ARHGAP1: variants seen among roughly 807,000 people sequenced by gnomAD.
The protein encoded by ARHGAP1 is rho GTPase-activating protein 1.
Under a neutral mutation model 52.2 loss-of-function variants are expected in ARHGAP1, and 23 were observed. The ratio of observed to expected loss-of-function variants is 0.44; its 90% CI spans 0.32 to 0.62. The LOEUF is 0.62. Ranked by LOEUF, ARHGAP1 falls within the 20% of genes least tolerant of loss-of-function variation. The probability of loss-of-function intolerance (pLI) is 0.05; values close to 1 mark genes in which losing one functional copy is unlikely to be tolerated. For synonymous variants in ARHGAP1, 210 were observed against 228.4 expected (o/e 0.92, Z 0.73); for missense variants, 480 against 560.9 (o/e 0.86, Z 1.46).
At chr11:46,699,680 G>T (rs1312356845) in intron 1 of ARHGAP1, among the ~76,000 whole-genome samples, 1 of 151,538 alleles carries the variant, frequency 6.6e-6, no homozygotes, top group Non-Finnish European at 1.5e-5. Flanking sequence ...TCCAGCCTGG[G>T]CGACAGAGTG....
chr11:46,679,844 C>T lies in ARHGAP1; in HGVS notation c.899-68G>A, dbSNP rs113474139. 31 of 1,599,420 alleles carry T rather than the reference C, an allele frequency of 1.9e-5. 2 individuals carry two copies. The highest frequency in any genetic ancestry group is 1.5e-4 in the African/African-American group (11 of 74,904). On this transcript the variant is annotated intron_variant, in intron 10 of 12. Coordinates refer to ENST00000311956, the MANE Select transcript of ARHGAP1 (RefSeq NM_004308.5). The surrounding 1 kb of genome is among the most constrained non-coding windows in gnomAD (Gnocchi z 4.4). ...GGGCAGCACCCATCTGCAGACAACG[C>T]GGGCCGCACTGCCTGACTGCCCCTG...
chr11:46,681,651 C>T lies in ARHGAP1; in HGVS notation c.450-272G>A, dbSNP rs2064529402. 9.5e-6 allele frequency: 4 copies of T among 421,936 alleles called. No individual in the cohort carries two copies. The East Asian group carries it at 2.1e-4, about 22-fold the overall frequency. 26.1% of individuals were successfully genotyped at this position (421,936 alleles called of 1,614,324 possible). On this transcript the variant is annotated intron_variant, in intron 5 of 12. Coordinates refer to ENST00000311956, the MANE Select transcript of ARHGAP1 (RefSeq NM_004308.5). The surrounding 1 kb of genome is among the most constrained non-coding windows in gnomAD (Gnocchi z 5.7). ...GTTTCACCATGTTGGCCAGGCTGGT[C>T]TGGAACTCCTGACCTCAAGTGATCC...
chr11:46,677,944 GA>G lies in ARHGAP1; in HGVS notation c.*1092del, dbSNP rs34845803. 42,418 of 330,014 alleles carry G rather than the reference GA, an allele frequency of 0.13. 5 individuals carry two copies. The highest frequency in any genetic ancestry group is 0.17 in the South Asian group (7,883 of 46,204). The allele number at this position is 330,014 out of a possible 1,614,324, so 20.4% of individuals were successfully genotyped here. ...GGTGACAGAGCGAGACTCCATCTCA[GA>G]AAAAAAAAAAAAAAGGTGGCCCTAG... On this transcript the variant is annotated 3_prime_UTR_variant, in exon 13 of 13. Transcript: ENST00000311956.
intron 3 of ARHGAP1, among the ~76,000 whole-genome samples, chr11:46,694,410 A>G (rs1592392166): frequency 6.6e-6 from 1 of 152,080 alleles, no homozygotes; most frequent in Non-Finnish European, 1.5e-5. Flanking sequence ...GAGGACAAGC[A>G]CAGCGAGCCA....
chr11:46,681,501 T>A lies in ARHGAP1; in HGVS notation c.450-122A>T. ...CCTTCACCCAGGCTGGAGTGTGATC[T>A]CAGCTCATTGCAGCCTCCACCTCCC... On this transcript the variant is annotated intron_variant, in intron 5 of 12. Transcript: ENST00000311956. The surrounding 1 kb of genome is among the most constrained non-coding windows in gnomAD (Gnocchi z 5.7). The A allele has an allele frequency of 1.4e-6, 1 of 731,428 alleles. No homozygotes were observed. The highest frequency in any genetic ancestry group is 2.4e-6 in the Non-Finnish European group (1 of 414,236). The allele number at this position is 731,428 out of a possible 1,614,324, so 45.3% of individuals were successfully genotyped here.
At position 46,680,335 on chromosome 11, in the gene ARHGAP1, T is replaced by C. The variant is rs1450522849; in HGVS notation, c.821-53A>G. The C allele has an allele frequency of 4.4e-6, 7 of 1,594,856 alleles. No homozygotes were observed. Among genetic ancestry groups the C allele is most frequent in the Non-Finnish European group, 6.0e-6 (7 of 1,163,054 alleles). ...TCCGAGCGCTGGGCACCGGCTGGAT[T>C]CCCTGCCCCTTCTCTGTCTTGGGGT... On this transcript the variant is annotated intron_variant, in intron 9 of 12. Transcript: ENST00000311956. This position sits in a 1 kb window ranked among gnomAD's most constrained non-coding sequence, Gnocchi z 5.9.
rs2064500320 is a variant in ARHGAP1, at chr11:46,678,752, T to C, written c.*285A>G. ...CAGGAAAAAGCAGGAAAGGGGTTAC[T>C]GGGGCTCAGTCCTTCTCCAGCTGGA... On this transcript the variant is annotated 3_prime_UTR_variant, in exon 13 of 13. Coordinates refer to ENST00000311956, the MANE Select transcript of ARHGAP1 (RefSeq NM_004308.5). 2.3e-6 allele frequency: 1 copy of C among 440,974 alleles called. No homozygotes were observed. Among genetic ancestry groups the C allele is most frequent in the East Asian group, 4.3e-5 (1 of 23,370 alleles). 27.3% of individuals were successfully genotyped at this position (440,974 alleles called of 1,614,324 possible).
rs779756810 is a variant in ARHGAP1 at position 46,678,687 on chromosome 11, C to T, written c.*350G>A. 1.3e-4 allele frequency: 31 copies of T among 242,948 alleles called. No homozygotes were observed. Among genetic ancestry groups the T allele is most frequent in the Non-Finnish European group, 2.2e-4 (27 of 124,228 alleles). 15.0% of individuals were successfully genotyped at this position (242,948 alleles called of 1,614,324 possible). A position where few individuals can be genotyped will look rare whatever the true frequency, so the allele number is the denominator to read the frequency against. ...TGGCCCCTGCTACCAGCCCAGCCGGCAGTCATTTGATTCATCCACACTTGC... is the reference window on the plus strand; with the variant it reads ...TGGCCCCTGCTACCAGCCCAGCCGGTAGTCATTTGATTCATCCACACTTGC... On this transcript the variant is annotated 3_prime_UTR_variant, in exon 13 of 13. Transcript: ENST00000311956.
chr11:46,686,450 G>A (rs542499864), intron 4 of ARHGAP1, among the ~76,000 whole-genome samples: 2 of 152,132 alleles, frequency 1.3e-5, no homozygotes, highest in African/African-American at 2.4e-5. Context: ...ACGGAGTCTC[G>A]CTCTGTCGCC....
intron 4 of ARHGAP1, among the ~76,000 whole-genome samples, chr11:46,684,186 G>T (rs2064551151): frequency 6.6e-6 from 1 of 152,174 alleles, no homozygotes; most frequent in South Asian, 2.1e-4. Context: ...CCCAGTACAT[G>T]GTCATTTACC....
chr11:46,678,862 T>C lies in ARHGAP1; in HGVS notation c.*175A>G. On this transcript the variant is annotated 3_prime_UTR_variant, in exon 13 of 13. Coordinates refer to ENST00000311956, the MANE Select transcript of ARHGAP1 (RefSeq NM_004308.5). Reference sequence around the variant, plus strand: ...AAGTGTAAGGCAGAGAAAAACGTCTTCTGGTAACAGCGAGGCCGCCAGGGC... The same window carrying C: ...AAGTGTAAGGCAGAGAAAAACGTCTCCTGGTAACAGCGAGGCCGCCAGGGC... 1 of 698,464 alleles carries C rather than the reference T, an allele frequency of 1.4e-6. No individual in the cohort carries two copies. Among genetic ancestry groups the C allele is most frequent in the Non-Finnish European group, 2.4e-6 (1 of 425,484 alleles). 43.3% of individuals were successfully genotyped at this position (698,464 alleles called of 1,614,324 possible). A position where few individuals can be genotyped will look rare whatever the true frequency, so the allele number is the denominator to read the frequency against.
At position 46,680,155 on chromosome 11, in the gene ARHGAP1, C is replaced by G. The variant is rs905570800; in HGVS notation, c.898+50G>C. ...ACAGGGCAGCAGAGGGCAGAGAAGC[C>G]CCCTACCAGTAACACACATATGGCC... is the stretch of plus-strand genomic sequence containing the variant. On this transcript the variant is annotated intron_variant, in intron 10 of 12. Transcript: ENST00000311956. This position sits in a 1 kb window ranked among gnomAD's most constrained non-coding sequence, Gnocchi z 5.9. 1.9e-6 allele frequency: 3 copies of G among 1,569,282 alleles called. No homozygotes were observed. The highest frequency in any genetic ancestry group is 2.6e-6 in the Non-Finnish European group (3 of 1,139,810).
chr11:46,684,066 G>A (rs998287904), intron 4 of ARHGAP1, among the ~76,000 whole-genome samples: 2 of 152,176 alleles, frequency 1.3e-5, no homozygotes, highest in African/African-American at 4.8e-5. Context: ...AGAGAAGCCT[G>A]GTGAAGTGGC....
rs535881239 is a variant in ARHGAP1 at position 46,695,983 on chromosome 11, G to C, written c.125C>G (p.Pro42Arg). ...ACCAGACACAAGCCCACCTGACTTGGGGAAGTCAGGCATTTCATCCGAGGG... is the reference window on the plus strand; with the variant it reads ...ACCAGACACAAGCCCACCTGACTTGCGGAAGTCAGGCATTTCATCCGAGGG... The part of the protein sequence containing the change: ...NWPSDEMPDF[P>R]KSDDSKSSSP... Residue 42 changes from proline (P) to arginine (R), a missense_variant, in exon 2 of 13, where the codon CCC becomes CGC. Transcript: ENST00000311956. 113 of 1,614,186 alleles carry C rather than the reference G, an allele frequency of 7.0e-5. 1 individual carries two copies. In the South Asian group the frequency reaches 8.7e-4, roughly 12 times the overall value.
chr11:46,682,477 A>C (rs898163423), intron 4 of ARHGAP1, among the ~76,000 whole-genome samples: 2 of 152,258 alleles, frequency 1.3e-5, no homozygotes, highest in South Asian at 4.1e-4. Context: ...TGAGGTCAGG[A>C]GTTCAAGACC....
chr11:46,695,725 A>C lies in ARHGAP1; in HGVS notation c.164T>G (p.Val55Gly). Residue 55 changes from valine to glycine, a missense_variant, in exon 3 of 13, where the codon GTC becomes GGC. By Grantham distance (109) the Val-to-Gly change is moderately radical. Transcript: ENST00000311956. ...DDSKSSSPEL[V>G]THLKWDDPYY... ...TGGGTCATCCCACTTCAGGTGTGTG[A>C]CAAGTTCCGGGGAGCTGCTTTTGGA... 1.9e-6 allele frequency: 3 copies of C among 1,552,208 alleles called. No homozygotes were observed. The highest frequency in any genetic ancestry group is 2.6e-6 in the Non-Finnish European group (3 of 1,147,170).
Position 46,679,430 on chromosome 11 carries a change from C to A in ARHGAP1, c.1066G>T (p.Val356Phe). 6.2e-7 allele frequency: 1 copy of A among 1,614,174 alleles called. No homozygotes were observed. The highest frequency in any genetic ancestry group is 8.5e-7 in the Non-Finnish European group (1 of 1,180,030). Residue 356 changes from valine to phenylalanine, a missense_variant, in exon 12 of 13, where the codon GTC (valine) becomes TTC (phenylalanine). Val to Phe is a conservative substitution (Grantham distance 50). Transcript: ENST00000311956. This position sits in a 1 kb window ranked among gnomAD's most constrained non-coding sequence, Gnocchi z 4.4. Reference protein sequence around the residue: ...ESQRVPATLQVLQTLPEENYQ... With the variant: ...ESQRVPATLQFLQTLPEENYQ... ...TTCTCCTCGGGCAGCGTCTGGAGGACCTGCAGTGTCGCTGGCACCCTCTGG... is the reference window on the plus strand; with the variant it reads ...TTCTCCTCGGGCAGCGTCTGGAGGAACTGCAGTGTCGCTGGCACCCTCTGG...
At chr11:46,690,356 C>T (rs964797138) in intron 3 of ARHGAP1, among the ~76,000 whole-genome samples, 3 of 150,932 alleles carry the variant, frequency 2.0e-5, no homozygotes, top group Non-Finnish European at 3.0e-5. Flanking sequence ...CACTGCACTC[C>T]AGCCTGGGTG....
rs534367851 is a variant in ARHGAP1 at position 46,680,648 on chromosome 11, C to A, written c.735G>T (p.Ser245=). Residue 245 remains serine, a synonymous_variant, in exon 8 of 13, where the codon TCG becomes TCT. Transcript: ENST00000311956. The surrounding 1 kb of genome is among the most constrained non-coding windows in gnomAD (Gnocchi z 5.9). Reference sequence around the variant, plus strand: ...CCACCTTTCATACTTACTGCTGCAGCGAGACTCCAAACTGCTGGTTGGGCA... The same window carrying A: ...CCACCTTTCATACTTACTGCTGCAGAGAGACTCCAAACTGCTGGTTGGGCA... ...PPLPNQQFGV[S]LQHLQEKNPE... 6.2e-7 allele frequency: 1 copy of A among 1,612,522 alleles called. No individual in the cohort carries two copies. The highest frequency in any genetic ancestry group is 2.2e-5 in the East Asian group (1 of 44,856).
Sources: allele counts gnomAD v4.1 joint callset (sites outside exome capture counted in the v4.1 genomes callset), GRCh38; gene constraint gnomAD v4.1.1; non-coding constraint Gnocchi (gnomAD v3.1); transcripts MANE v1.5; gene names NCBI Gene and HGNC (gene_info 2026-07-23, HGNC 2026-07-21).